The following LRIG3 variants were observed in gnomAD, a reference collection of about 807,000 sequenced individuals.
The protein encoded by LRIG3 is leucine rich repeats and immunoglobulin like domains 3.
A neutral mutation model predicts 114.5 loss-of-function variants in LRIG3; 76 were observed. The observed-to-expected ratio is 0.66, with a 90% CI of 0.55 to 0.80. The LOEUF is 0.80. Ranked by LOEUF, LRIG3 falls within the 30% of genes least tolerant of loss-of-function variation. The probability of loss-of-function intolerance (pLI) is 0.00; values close to 1 mark genes in which losing one functional copy is unlikely to be tolerated. For missense variants in LRIG3, 1,239 were observed against 1,382.8 expected (o/e 0.90, Z 1.65); for synonymous variants, 512 against 519.8 (o/e 0.98, Z 0.20).
rs1353929303 is a variant in LRIG3, at chr12:58,883,576, G to C, written c.1260C>G (p.Asn420Lys). The C allele has an allele frequency of 6.5e-7, 1 of 1,547,012 alleles. No individual in the cohort carries two copies. The highest frequency in any genetic ancestry group is 1.2e-5 in the South Asian group (1 of 81,144). The change falls in exon 11 of 19, where the codon AAC becomes AAG. Residue 420 changes from asparagine to lysine, a missense_variant. Coordinates refer to ENST00000320743, the MANE Select transcript of LRIG3 (RefSeq NM_153377.5). ...CATTGCCTTGTAAAGACATGATTGC[G>C]TTGTCACTCAGGTCTCTGAAAAATC... ...DALEHLDLSD[N>K]AIMSLQGNAF...
At chr12:58,912,683 T>C (rs1196682076) in intron 3 of LRIG3, among the ~76,000 whole-genome samples, 3 of 152,126 alleles carry the variant, frequency 2.0e-5, no homozygotes, top group African/African-American at 4.8e-5. Flanking sequence ...CTCTTAAACA[T>C]ACTGACAGAA....
chr12:58,911,931 G>C (rs570986978), intron 3 of LRIG3, among the ~76,000 whole-genome samples: 5 of 152,170 alleles, frequency 3.3e-5, no homozygotes, highest in Admixed American at 2.6e-4. Flanking sequence ...TCAGGCCCAT[G>C]ATATAAATTA....
At chr12:58,919,663 G>T in intron 1 of LRIG3, 1 of 1,272,142 alleles carries the variant, frequency 7.9e-7, no homozygotes, top group Non-Finnish European at 1.1e-6. Flanking sequence ...ATCTCCCCTG[G>T]GCCTGGCAGG....
chr12:58,883,484 T>C, intron 11 of LRIG3, 36 bp downstream of exon 11: 1 of 1,461,582 alleles, frequency 6.8e-7, no homozygotes, highest in African/African-American at 1.4e-5. Context: ...TTCCCCTCTA[T>C]ACTTTCAGAC....
At chr12:58,898,614 C>T (rs1009512980) in intron 3 of LRIG3, among the ~76,000 whole-genome samples, 5 of 151,992 alleles carry the variant, frequency 3.3e-5, no homozygotes, top group Non-Finnish European at 7.4e-5. Flanking sequence ...AATATCTTTA[C>T]AGGACAATTT....
Position 58,885,812 on chromosome 12 carries a change from C to A in LRIG3, c.1244+19G>T. ...TCTTAGAGATTCTCTTTTAGGGTAA[C>A]TAAATTCTAGCTACTCACAGATGCT... On this transcript the variant is annotated intron_variant, in intron 10 of 18. Transcript: ENST00000320743. 1 of 1,526,062 alleles carries A rather than the reference C, an allele frequency of 6.6e-7. No homozygotes were observed. The highest frequency in any genetic ancestry group is 8.9e-7 in the Non-Finnish European group (1 of 1,123,344). 94.5% of individuals were successfully genotyped at this position (1,526,062 alleles called of 1,614,324 possible). A position where few individuals can be genotyped will look rare whatever the true frequency, so the allele number is the denominator to read the frequency against.
intron 5 of LRIG3, 63 bp from the exon 6 acceptor site, chr12:58,889,025 T>C: frequency 1.3e-6 from 2 of 1,493,796 alleles, no homozygotes; most frequent in Middle Eastern, 1.8e-4. Context: ...AGTAATAAAA[T>C]GTGTCATTAC....
Position 58,878,845 on chromosome 12 carries a change from T to C in LRIG3, c.2062A>G (p.Asn688Asp), listed in dbSNP as rs776190903. 2.5e-6 allele frequency: 4 copies of C among 1,613,848 alleles called. No homozygotes were observed. Among genetic ancestry groups the C allele is most frequent in the Non-Finnish European group, 3.4e-6 (4 of 1,179,742 alleles). Residue 688 changes from asparagine to aspartate, a missense_variant, in exon 14 of 19, where the codon AAT becomes GAT. Transcript: ENST00000320743. ...AQNSAGSISA[N>D]ATLTVLETPS... ...CCACCTAGGACAGTCAGAGTTGCAT[T>C]TGCTGAAATACTTCCTGCACTGTTC...
chr12:58,901,170 T>C (rs542655160), intron 3 of LRIG3, among the ~76,000 whole-genome samples: 7 of 152,330 alleles, frequency 4.6e-5, no homozygotes, highest in African/African-American at 7.2e-5. Flanking sequence ...ACAAGGCCCA[T>C]GTAAAAGCAA....
intron 9 of LRIG3, 125 bp from the exon 10 acceptor site, chr12:58,886,027 T>C (rs1871267399): frequency 2.3e-6 from 1 of 427,304 alleles, no homozygotes; most frequent in South Asian, 3.0e-5. Context: ...AAACAATATA[T>C]CCTGTAAAAA....
chr12:58,881,285 C>T (rs1198063407), intron 12 of LRIG3, among the ~76,000 whole-genome samples: 3 of 152,108 alleles, frequency 2.0e-5, no homozygotes, highest in African/African-American at 7.2e-5. Flanking sequence ...TGCAATTGTT[C>T]CCATGTTCTC....
intron 3 of LRIG3, among the ~76,000 whole-genome samples, chr12:58,912,673 C>G (rs1337138014): frequency 1.3e-5 from 2 of 152,302 alleles, no homozygotes; most frequent in East Asian, 3.9e-4. Context: ...CCCTCAAGCT[C>G]TCTTAAACAT....
rs76468571 is a variant in LRIG3, at chr12:58,878,529, G to A, written c.2083+295C>T. On this transcript the variant is annotated intron_variant, in intron 14 of 18. Transcript: ENST00000320743. ...ACTACTGATATAGACAGCACAGTGG[G>A]GAAATTAGAGGAGGGTGATCCCCCA... 3.4e-4 allele frequency among the ~76,000 whole-genome samples: 51 copies of A among 152,168 alleles called. No homozygotes were observed. In the East Asian group the frequency reaches 7.9e-3, roughly 24 times the overall value.
intron 3 of LRIG3, among the ~76,000 whole-genome samples, chr12:58,904,608 G>A (rs867575686): frequency 1.9e-4 from 29 of 151,900 alleles, no homozygotes; most frequent in African/African-American, 6.8e-4. Flanking sequence ...CCACAGAAAG[G>A]TTGCCCAAAA....
rs550579643 is a variant in LRIG3, at chr12:58,920,154, C to T, written c.82G>A (p.Asp28Asn). The change falls in exon 1 of 19, where the codon GAC becomes AAC. Residue 28 changes from aspartate (D) to asparagine (N), a missense_variant. Physicochemically the swap from Asp to Asn is conservative, Grantham distance 23. Transcript: ENST00000320743. ...CAVLGRAGRS[D>N]SGGRGELGQP... Reference sequence around the variant, plus strand: ...CCGAGTTCCCCGCGACCGCCGCTGTCTGACCGGCCAGCGCGCCCCAGCACC... The same window carrying T: ...CCGAGTTCCCCGCGACCGCCGCTGTTTGACCGGCCAGCGCGCCCCAGCACC... The T allele has an allele frequency of 5.8e-6, 9 of 1,542,412 alleles. No homozygotes were observed. The South Asian group carries it at 9.5e-5, about 16-fold the overall frequency.
chr12:58,892,296 A>G (rs1871483201), intron 3 of LRIG3, among the ~76,000 whole-genome samples: 1 of 152,242 alleles, frequency 6.6e-6, no homozygotes, highest in Non-Finnish European at 1.5e-5. Flanking sequence ...ACAACGCGAG[A>G]AACAATGAAA....
At chr12:58,880,014 T>C (rs138359383) in intron 13 of LRIG3, among the ~76,000 whole-genome samples, 1 of 152,250 alleles carries the variant, frequency 6.6e-6, no homozygotes, top group Non-Finnish European at 1.5e-5. Flanking sequence ...AAAACATTGC[T>C]GGGCACGGTG....
intron 10 of LRIG3, among the ~76,000 whole-genome samples, chr12:58,885,607 T>G (rs946670675): frequency 2.6e-5 from 4 of 152,118 alleles, no homozygotes; most frequent in African/African-American, 9.7e-5. Context: ...GCTTTTGTTC[T>G]TAAATACAAA....
chr12:58,875,059 A>C (rs550661599), intron 16 of LRIG3, among the ~76,000 whole-genome samples: 2 of 152,316 alleles, frequency 1.3e-5, no homozygotes, highest in South Asian at 4.1e-4. Flanking sequence ...AGGGTTAGAG[A>C]TGTCACGATG....
Sources: allele counts gnomAD v4.1 joint callset (sites outside exome capture counted in the v4.1 genomes callset), GRCh38; gene constraint gnomAD v4.1.1; transcripts MANE v1.5; gene names NCBI Gene and HGNC (gene_info 2026-07-23, HGNC 2026-07-21).